The following OXR1 variants were observed in gnomAD, a reference collection of about 807,000 sequenced individuals.
The protein encoded by OXR1 is oxidation resistance protein 1.
OXR1 carries 41 observed loss-of-function variants against 104.6 expected under a neutral mutation model. That is an observed-to-expected ratio of 0.39 (90% confidence interval 0.31 to 0.51). The LOEUF is 0.51. Among genes scored for constraint, OXR1 ranks in the 20% least tolerant of loss-of-function variants. OXR1 has a pLI of 0.77. For synonymous variants in OXR1, 348 were observed against 348.4 expected, an observed-to-expected ratio of 1.00 and a Z score of 0.01; for missense variants, 955 against 1,031.9, an observed-to-expected ratio of 0.93 and a Z score of 1.02.
intron 2 of OXR1, among the ~76,000 whole-genome samples, chr8:106,443,242 A>C (rs1363887653): frequency 1.3e-5 from 2 of 151,950 alleles, no homozygotes; most frequent in Non-Finnish European, 2.9e-5. Context: ...CTGAGTTCTA[A>C]TTTCATGGCA....
intron 3 of OXR1, among the ~76,000 whole-genome samples, chr8:106,609,135 G>C (rs746947826): frequency 2.0e-5 from 3 of 152,054 alleles, no homozygotes; most frequent in African/African-American, 4.8e-5. Context: ...GCAGTGGGAC[G>C]TGGTGGGTCA....
chr8:106,558,707 A>G (rs1816462957), intron 3 of OXR1, among the ~76,000 whole-genome samples: 1 of 152,216 alleles, frequency 6.6e-6, no homozygotes, highest in Non-Finnish European at 1.5e-5. Context: ...TTATTGCAAG[A>G]CAACCGAAAA....
At chr8:106,501,925 G>T (rs1811839910) in intron 2 of OXR1, among the ~76,000 whole-genome samples, 1 of 152,188 alleles carries the variant, frequency 6.6e-6, no homozygotes, top group Non-Finnish European at 1.5e-5. Context: ...ACTGCCAGGA[G>T]ATTAAGGCAA....
At chr8:106,419,170 T>G (rs1204529950) in intron 2 of OXR1, among the ~76,000 whole-genome samples, 11 of 152,148 alleles carry the variant, frequency 7.2e-5, no homozygotes, top group African/African-American at 2.7e-4. Context: ...AATTGAGAGT[T>G]GTGACTGCTG....
chr8:106,488,785 C>T (rs1485380152), intron 2 of OXR1, among the ~76,000 whole-genome samples: 1 of 148,196 alleles, frequency 6.7e-6, no homozygotes, highest in Non-Finnish European at 1.5e-5. Flanking sequence ...TGATCTATAT[C>T]TCTGTTTTGG....
intron 3 of OXR1, among the ~76,000 whole-genome samples, chr8:106,580,205 G>C (rs1458020426): frequency 1.3e-5 from 2 of 152,038 alleles, no homozygotes; most frequent in Non-Finnish European, 2.9e-5. Flanking sequence ...GAACTGTTTT[G>C]GTTTTGTGAA....
chr8:106,284,811 T>A (rs564544861), intron 1 of OXR1, among the ~76,000 whole-genome samples: 22 of 151,332 alleles, frequency 1.5e-4, no homozygotes, highest in South Asian at 8.4e-4. Context: ...AATCTTTTTT[T>A]AAAAAAAAAG....
chr8:106,479,645 A>T (rs980629910), intron 2 of OXR1, among the ~76,000 whole-genome samples: 2 of 152,008 alleles, frequency 1.3e-5, no homozygotes, highest in African/African-American at 4.8e-5. Flanking sequence ...TGAGGTATTT[A>T]TGTTTACTAT....
chr8:106,289,116 G>T (rs1184246621), intron 1 of OXR1, among the ~76,000 whole-genome samples: 1 of 152,068 alleles, frequency 6.6e-6, no homozygotes, highest in East Asian at 1.9e-4. Context: ...ACTGAAATAA[G>T]ACAAGGATGC....
intron 2 of OXR1, among the ~76,000 whole-genome samples, chr8:106,370,168 T>A (rs1301277792): frequency 6.6e-6 from 1 of 152,200 alleles, no homozygotes; most frequent in Admixed American, 6.5e-5. Context: ...TGATTGTGAA[T>A]CGGAGTTCAT....
At chr8:106,299,243 A>G (rs992636422) in intron 1 of OXR1, among the ~76,000 whole-genome samples, 3 of 151,856 alleles carry the variant, frequency 2.0e-5, no homozygotes, top group Non-Finnish European at 4.4e-5. Context: ...AGAGAGAAAG[A>G]TAAGAACATG....
At chr8:106,694,531 T>TTA (rs1221212739) in intron 7 of OXR1, among the ~76,000 whole-genome samples, 1 of 132,072 alleles carries the variant, frequency 7.6e-6, no homozygotes, top group Non-Finnish European at 1.6e-5. Context: ...ATAAATATGT[T>TTA]TATATATATT....
intron 2 of OXR1, among the ~76,000 whole-genome samples, chr8:106,431,683 A>C (rs1476340466): frequency 6.6e-6 from 1 of 152,202 alleles, no homozygotes; most frequent in Non-Finnish European, 1.5e-5. Context: ...CAGCACCTAT[A>C]CTAGCATCTG....
chr8:106,639,488 C>A (rs1417195202), intron 3 of OXR1, among the ~76,000 whole-genome samples: 1 of 152,154 alleles, frequency 6.6e-6, no homozygotes, highest in Non-Finnish European at 1.5e-5. Flanking sequence ...GTGTTGAAAG[C>A]TGGCTCCCCA....
chr8:106,668,447 T>C (rs1413240271), intron 3 of OXR1, among the ~76,000 whole-genome samples: 1 of 152,204 alleles, frequency 6.6e-6, no homozygotes, highest in East Asian at 1.9e-4. Context: ...TGTGCCCACA[T>C]GTGTCTATGT....
At chr8:106,368,472 T>G (rs541139159) in intron 2 of OXR1, among the ~76,000 whole-genome samples, 1 of 152,276 alleles carries the variant, frequency 6.6e-6, no homozygotes, top group South Asian at 2.1e-4. Context: ...TGCACAGTTT[T>G]CAGGTTTGTT....
chr8:106,486,519 T>G (rs964411112), intron 2 of OXR1, among the ~76,000 whole-genome samples: 1 of 152,144 alleles, frequency 6.6e-6, no homozygotes, highest in Non-Finnish European at 1.5e-5. Context: ...TTTAATCAGA[T>G]GGAATAAATT....
chr8:106,655,520 A>C (rs188843755), intron 3 of OXR1, among the ~76,000 whole-genome samples: 78 of 152,270 alleles, frequency 5.1e-4, no homozygotes, highest in Non-Finnish European at 8.2e-4. Context: ...AAAGGCATGG[A>C]CAGGAATAAA....
intron 3 of OXR1, among the ~76,000 whole-genome samples, chr8:106,535,734 C>T (rs145141702): frequency 6.6e-6 from 1 of 152,132 alleles, no homozygotes; most frequent in East Asian, 1.9e-4. Context: ...AAAAGTAAAA[C>T]CATCCCTAGC....
Sources: gnomAD v4.1 joint callset for allele counts (sites outside exome capture counted in the v4.1 genomes callset) on GRCh38, gnomAD v4.1.1 for gene constraint, MANE v1.5 for transcripts, NCBI Gene and HGNC (gene_info 2026-07-23, HGNC 2026-07-21) for gene names.